NAALADL2: variants seen among roughly 807,000 people sequenced by gnomAD.
The protein encoded by NAALADL2 is inactive N-acetylated-alpha-linked acidic dipeptidase-like protein 2.
A neutral mutation model predicts 87.2 loss-of-function variants in NAALADL2; 76 were observed. The observed-to-expected ratio is 0.87, with a 90% confidence interval of 0.72 to 1.05. The LOEUF (loss-of-function observed/expected upper bound fraction) is 1.05. NAALADL2 is among the 50% of genes least tolerant of loss of function. The pLI is 0.00. For missense variants in NAALADL2, 1,089 were observed against 945.8 expected (o/e 1.15, Z -1.99); for synonymous variants, 354 against 331.0 (o/e 1.07, Z -0.75).
chr3:175,387,272 A>G (rs1272108544), intron 5 of NAALADL2, among the ~76,000 whole-genome samples: 1 of 152,136 alleles, frequency 6.6e-6, no homozygotes, highest in Middle Eastern at 3.2e-3. Flanking sequence ...TTCCCTATGG[A>G]TAAAGAGAGA....
chr3:175,709,961 C>T (rs184496132), intron 11 of NAALADL2, among the ~76,000 whole-genome samples: 3 of 152,014 alleles, frequency 2.0e-5, no homozygotes, highest in Admixed American at 2.0e-4. Flanking sequence ...ACTGTGAATA[C>T]AAAAGCTCTT....
chr3:174,590,762 T>C (rs1717275033), intron 2 of NAALADL2, among the ~76,000 whole-genome samples: 1 of 152,132 alleles, frequency 6.6e-6, no homozygotes, highest in Non-Finnish European at 1.5e-5. Flanking sequence ...ACTAATCTCA[T>C]AGTTCTTTAG....
At chr3:175,272,949 A>G (rs1753068146) in intron 4 of NAALADL2, among the ~76,000 whole-genome samples, 1 of 152,112 alleles carries the variant, frequency 6.6e-6, no homozygotes, top group Non-Finnish European at 1.5e-5. Flanking sequence ...ATAACATATT[A>G]ATGGCAATAA....
intron 1 of NAALADL2, among the ~76,000 whole-genome samples, chr3:175,076,480 A>G (rs1580318042): frequency 6.6e-6 from 1 of 152,118 alleles, no homozygotes; most frequent in African/African-American, 2.4e-5. Context: ...CAACATTAAG[A>G]AGTAAGAAAA....
chr3:175,588,746 G>A (rs1720940988), intron 10 of NAALADL2, among the ~76,000 whole-genome samples: 1 of 151,982 alleles, frequency 6.6e-6, no homozygotes, highest in Non-Finnish European at 1.5e-5. Context: ...CACCGTGTTA[G>A]CCAGGATGGT....
At chr3:174,613,511 C>T (rs1720147667) in intron 2 of NAALADL2, among the ~76,000 whole-genome samples, 1 of 152,186 alleles carries the variant, frequency 6.6e-6, no homozygotes, top group Non-Finnish European at 1.5e-5. Context: ...CAATCCTTTC[C>T]ACTCTTTCCT....
intron 2 of NAALADL2, among the ~76,000 whole-genome samples, chr3:175,100,725 T>C (rs9836235): frequency 0.22 from 32,976 of 150,984 alleles, 4,871 homozygotes; most frequent in African/African-American, 0.42. Context: ...ATAATCCCAG[T>C]TGCTTGGGAG....
intron 2 of NAALADL2, among the ~76,000 whole-genome samples, chr3:174,714,393 G>A (rs376603329): frequency 2.0e-5 from 3 of 152,138 alleles, no homozygotes; most frequent in South Asian, 2.1e-4. Flanking sequence ...ACCTTGGGCA[G>A]TATGGCCATT....
chr3:175,791,044 T>C (rs559362916), intron 13 of NAALADL2, among the ~76,000 whole-genome samples: 1 of 152,312 alleles, frequency 6.6e-6, no homozygotes, highest in Non-Finnish European at 1.5e-5. Context: ...CTCAGTTCCA[T>C]TGCATCTGAA....
chr3:175,073,420 G>A (rs1007274289), intron 1 of NAALADL2, among the ~76,000 whole-genome samples: 1 of 151,932 alleles, frequency 6.6e-6, no homozygotes, highest in African/African-American at 2.4e-5. Context: ...AATCATCATC[G>A]TAAGTTATAT....
intron 13 of NAALADL2, among the ~76,000 whole-genome samples, chr3:175,797,916 T>G (rs1379819795): frequency 6.6e-6 from 1 of 152,116 alleles, no homozygotes; most frequent in African/African-American, 2.4e-5. Context: ...TGATTGAATA[T>G]GTAAAAGTTC....
chr3:174,455,643 C>G (rs575028764), intron 1 of NAALADL2, among the ~76,000 whole-genome samples: 1 of 152,256 alleles, frequency 6.6e-6, no homozygotes, highest in South Asian at 2.1e-4. Flanking sequence ...TCAATAGATT[C>G]AGAAAAGGCT....
At chr3:174,703,782 A>G (rs1729800047) in intron 2 of NAALADL2, among the ~76,000 whole-genome samples, 2 of 152,180 alleles carry the variant, frequency 1.3e-5, no homozygotes, top group South Asian at 4.1e-4. Context: ...TTTATTTTTA[A>G]CCTTACAGAC....
intron 13 of NAALADL2, among the ~76,000 whole-genome samples, chr3:175,763,083 C>CTAAAT (rs140744338): frequency 2.7e-5 from 4 of 148,720 alleles, no homozygotes; most frequent in African/African-American, 1.0e-4. Context: ...GACTCTGACT[C>CTAAAT]AAATAAATAA....
At chr3:174,857,673 G>GTA (rs144829365), upstream of NAALADL2, among the ~76,000 whole-genome samples, 2,922 of 151,602 alleles carry the variant, frequency 0.019, 79 homozygotes, top group African/African-American at 0.065. Context: ...AGCATGGTGT[G>GTA]TATATATATA....
chr3:174,754,429 AAAGT>A (rs1322349190), intron 3 of NAALADL2, among the ~76,000 whole-genome samples: 3 of 151,756 alleles, frequency 2.0e-5, no homozygotes, highest in Non-Finnish European at 4.4e-5. Context: ...TAAAATAAGG[AAAGT>A]ATATTTCCAC....
chr3:174,769,738 T>G (rs997680515), intron 3 of NAALADL2, among the ~76,000 whole-genome samples: 2 of 151,522 alleles, frequency 1.3e-5, no homozygotes, highest in Non-Finnish European at 3.0e-5. Context: ...CATGTCACAC[T>G]TTTGAAAACA....
At chr3:175,240,819 C>G (rs760648460) in intron 3 of NAALADL2, among the ~76,000 whole-genome samples, 1 of 152,228 alleles carries the variant, frequency 6.6e-6, no homozygotes, top group African/African-American at 2.4e-5. Context: ...CCACACCCGG[C>G]TAATTTTGTA....
intron 2 of NAALADL2, among the ~76,000 whole-genome samples, chr3:175,173,153 G>A (rs1009823157): frequency 5.3e-5 from 8 of 151,962 alleles, no homozygotes; most frequent in Admixed American, 1.3e-4. Context: ...TTAGCGGGGT[G>A]TGGTGGCAGG....
Sources: gnomAD v4.1 joint callset for allele counts (sites outside exome capture counted in the v4.1 genomes callset) on GRCh38, gnomAD v4.1.1 for gene constraint, MANE v1.5 for transcripts, NCBI Gene and HGNC (gene_info 2026-07-23, HGNC 2026-07-21) for gene names.